Variants in VWA3B observed in about 807,000 individuals in gnomAD.
VWA3B encodes von Willebrand factor A domain containing 3B.
In VWA3B, 138 loss-of-function variants were observed where a neutral mutation model predicts 158.3. That is an observed-to-expected ratio of 0.87 (90% CI 0.76 to 1.00). VWA3B has a LOEUF of 1.00. VWA3B is among the 50% of genes least tolerant of loss of function. VWA3B has a pLI of 0.00. For synonymous variants in VWA3B, 596 were observed against 587.3 expected (o/e 1.01, Z -0.21); for missense variants, 1,555 against 1,565.1 (o/e 0.99, Z 0.11).
At chr2:98,322,284 G>A in the VWA3B span, among the ~76,000 whole-genome samples, 1 of 152,220 alleles carries the variant, frequency 6.6e-6, no homozygotes, top group Admixed American at 6.5e-5. Flanking sequence ...AAAGAATTGT[G>A]AGTTTGTGAC....
chr2:98,106,014 C>T (rs954128996), intron 2 of VWA3B, among the ~76,000 whole-genome samples: 4 of 152,080 alleles, frequency 2.6e-5, no homozygotes, highest in African/African-American at 9.7e-5. Context: ...CTCCCAGGTT[C>T]ACGCCATTCT....
At chr2:98,314,384 A>G (rs562855753), downstream of VWA3B, among the ~76,000 whole-genome samples, 158 of 152,344 alleles carry the variant, frequency 1.0e-3, no homozygotes, top group African/African-American at 3.5e-3. Flanking sequence ...AACAATTCCT[A>G]TGGTTTACAC....
intron 9 of VWA3B, among the ~76,000 whole-genome samples, chr2:98,186,840 G>A (rs1042188383): frequency 6.6e-6 from 1 of 151,968 alleles, no homozygotes; most frequent in African/African-American, 2.4e-5. Flanking sequence ...TGCTGCTCTC[G>A]TGAAAGCCCT....
chr2:98,126,324 G>C lies in VWA3B; in HGVS notation c.703-1915G>C, dbSNP rs78466006. 8.5e-5 allele frequency among the ~76,000 whole-genome samples: 13 copies of C among 152,298 alleles called. No homozygotes were observed. The East Asian group carries it at 2.1e-3, about 25-fold the overall frequency. Reference sequence around the variant, plus strand: ...GCATTGGACGTGTGTGGTGTCAGGAGTGGCTGACAGACCACCTCGAGATGT... The same window carrying C: ...GCATTGGACGTGTGTGGTGTCAGGACTGGCTGACAGACCACCTCGAGATGT... On this transcript the variant is annotated intron_variant, in intron 5 of 27. Transcript: ENST00000477737.
rs779840668 is a variant in VWA3B, at chr2:98,121,369, A to G, written c.613A>G (p.Ile205Val). Residue 205 changes from isoleucine (I) to valine (V), a missense_variant, in exon 5 of 28, where the codon ATC becomes GTC. Ile to Val is a conservative substitution (Grantham distance 29). Transcript: ENST00000477737. The stretch of plus-strand genomic sequence containing the variant: ...GACCGAACAGTCCATAGCTACTGCC[A>G]TCAGTTGGGTTGAGAAACTGACGGT... ...PVTEQSIATA[I>V]SWVEKLTVEL... 8.7e-6 allele frequency: 14 copies of G among 1,614,114 alleles called. No individual in the cohort carries two copies. The highest frequency in any genetic ancestry group is 1.6e-4 in the Middle Eastern group (1 of 6,084).
At chr2:98,222,634 G>A (rs1684604302) in intron 14 of VWA3B, among the ~76,000 whole-genome samples, 1 of 152,194 alleles carries the variant, frequency 6.6e-6, no homozygotes, top group South Asian at 2.1e-4. Context: ...ACACCTGGAG[G>A]ACAGCAGGGG....
At position 98,303,808 on chromosome 2, in the gene VWA3B, T is replaced by C; in HGVS notation, c.3521+6T>C. The C allele has an allele frequency of 6.2e-7, 1 of 1,613,032 alleles. No individual in the cohort carries two copies. The highest frequency in any genetic ancestry group is 1.1e-5 in the South Asian group (1 of 91,048). On this transcript the variant is annotated splice_donor_region_variant and intron_variant, in intron 26 of 27. Transcript: ENST00000477737. ...ATTCCTGAGGATCCAGAAGTGTAAGTGTACTCAACTTTTATCTCTTGAATA... is the reference window on the plus strand; with the variant it reads ...ATTCCTGAGGATCCAGAAGTGTAAGCGTACTCAACTTTTATCTCTTGAATA...
chr2:98,139,451 A>G (rs1448986527), intron 7 of VWA3B, among the ~76,000 whole-genome samples: 1 of 152,238 alleles, frequency 6.6e-6, no homozygotes, highest in African/African-American at 2.4e-5. Flanking sequence ...CACTGGGTGA[A>G]GCCAGCGGGG....
chr2:98,237,960 T>C (rs1162357111), intron 19 of VWA3B, among the ~76,000 whole-genome samples: 1 of 152,036 alleles, frequency 6.6e-6, no homozygotes, highest in Non-Finnish European at 1.5e-5. Flanking sequence ...GAAGGGTCGT[T>C]TTACTCTTCT....
intron 14 of VWA3B, among the ~76,000 whole-genome samples, chr2:98,219,981 G>A (rs552571363): frequency 2.0e-5 from 3 of 151,890 alleles, no homozygotes; most frequent in South Asian, 2.1e-4. Context: ...TGAGCGACAC[G>A]GCAAGACCCC....
At chr2:98,120,450 T>C (rs1198000314) in intron 4 of VWA3B, among the ~76,000 whole-genome samples, 1 of 152,260 alleles carries the variant, frequency 6.6e-6, no homozygotes, top group African/African-American at 2.4e-5. Flanking sequence ...AATTATGTTC[T>C]ATCTAGCTTC....
intron 16 of VWA3B, 27 bp downstream of exon 16, chr2:98,230,234 CTT>C: frequency 4.0e-6 from 6 of 1,511,842 alleles, no homozygotes; most frequent in Non-Finnish European, 5.3e-6. Flanking sequence ...TGGCTTGACT[CTT>C]TGCTGGTTTC....
In VWA3B at chr2:98,204,702, G is replaced by A. The variant is rs1029034911; in HGVS notation, c.1738-7228G>A. ...TGTGTGCTGTCTTTGTCTGCTTTGC[G>A]TATCAGTGTAATACTGGCCTCATAG... On this transcript the variant is annotated intron_variant, in intron 12 of 27. Transcript: ENST00000477737. 2.6e-5 allele frequency among the ~76,000 whole-genome samples: 4 copies of A among 152,174 alleles called. No homozygotes were observed. The South Asian group carries it at 8.3e-4, about 32-fold the overall frequency.
intron 7 of VWA3B, among the ~76,000 whole-genome samples, chr2:98,148,988 A>G (rs114543434): frequency 6.6e-6 from 1 of 152,180 alleles, no homozygotes; most frequent in African/African-American, 2.4e-5. Flanking sequence ...GGGAGTGCAC[A>G]TGTGTGCTTG....
rs545447705 is a variant in VWA3B at position 98,102,380 on chromosome 2, G to A, written c.196+9092G>A. ...TCATCATGGCCTGTTCTCAATGGTC[G>A]CTGTCTTTTCGGAGCTGTTGGGTAC... On this transcript the variant is annotated intron_variant, in intron 2 of 27. Transcript: ENST00000477737. 7.9e-5 allele frequency among the ~76,000 whole-genome samples: 12 copies of A among 152,016 alleles called. No individual in the cohort carries two copies. In the East Asian group the frequency reaches 9.7e-4, roughly 12 times the overall value.
chr2:98,210,587 A>G (rs1186437543), intron 12 of VWA3B, among the ~76,000 whole-genome samples: 1 of 152,222 alleles, frequency 6.6e-6, no homozygotes, highest in East Asian at 1.9e-4. Context: ...GGGTCAGGTC[A>G]TGGGGTTCCC....
chr2:98,207,306 C>T, intron 12 of VWA3B: 1 of 489,164 alleles, frequency 2.0e-6, no homozygotes, highest in East Asian at 5.2e-5. Context: ...CCCATGCTGT[C>T]ACTGAGCTGG....
chr2:98,100,423 A>G (rs1191648898), intron 2 of VWA3B, among the ~76,000 whole-genome samples: 1 of 152,206 alleles, frequency 6.6e-6, no homozygotes, highest in Non-Finnish European at 1.5e-5. Context: ...TGGCTGATAC[A>G]GTGTTGGGGC....
In VWA3B at chr2:98,311,902, G is replaced by C. The variant is rs867284296; in HGVS notation, c.3605G>C (p.Arg1202Pro). 2.5e-5 allele frequency: 41 copies of C among 1,611,352 alleles called. No homozygotes were observed. The highest frequency in any genetic ancestry group is 3.1e-5 in the Non-Finnish European group (37 of 1,178,904). ...ADTQDSREPRREKPRRKKRPA... is the reference protein window; with the variant it reads ...ADTQDSREPRPEKPRRKKRPA... Reference sequence around the variant, plus strand: ...ACGCAGGATTCCAGAGAGCCAAGACGAGAGAAGCCCAGGAGGAAAAAGAGG... The same window carrying C: ...ACGCAGGATTCCAGAGAGCCAAGACCAGAGAAGCCCAGGAGGAAAAAGAGG... Residue 1202 changes from arginine to proline, a missense_variant, in exon 27 of 28, where the codon CGA becomes CCA. Arg to Pro is a moderately radical substitution (Grantham distance 103). Transcript: ENST00000477737.
Sources: gnomAD v4.1 joint callset for allele counts (sites outside exome capture counted in the v4.1 genomes callset) on GRCh38, gnomAD v4.1.1 for gene constraint, MANE v1.5 for transcripts, NCBI Gene and HGNC (gene_info 2026-07-23, HGNC 2026-07-21) for gene names.